Variants in MBNL3 observed in about 807,000 individuals in gnomAD.
The protein encoded by MBNL3 is muscleblind like splicing regulator 3.
A neutral mutation model predicts 24.5 loss-of-function variants in MBNL3; 6 were observed. The ratio of observed to expected loss-of-function variants is 0.25; its 90% confidence interval spans 0.13 to 0.48. The LOEUF is 0.48. Ranked by LOEUF, MBNL3 falls within the 20% of genes least tolerant of loss-of-function variation. The pLI, the probability that MBNL3 is intolerant of heterozygous loss-of-function variation, is 0.99. For synonymous variants in MBNL3, 100 were observed against 101.7 expected, an observed-to-expected ratio of 0.98 and a Z score of 0.10; for missense variants, 230 against 293.5, an observed-to-expected ratio of 0.78 and a Z score of 1.58.
At chrX:132,451,538 C>T (rs1035459652) in intron 1 of MBNL3, among the ~76,000 whole-genome samples, 12 of 111,764 alleles carry the variant, frequency 1.1e-4, no homozygotes, top group African/African-American at 3.9e-4. Context: ...TGGAGCATCC[C>T]AGGTCGACTT....
upstream of MBNL3, chrX:132,489,900 C>G (rs1163121238): frequency 1.8e-5 from 2 of 112,293 alleles, no homozygotes; most frequent in East Asian, 2.8e-4. Flanking sequence ...CTCTGGCCTC[C>G]GCCTCTCTCT....
At chrX:132,392,104 A>G in intron 4 of MBNL3, 39 bp downstream of exon 4, 1 of 1,077,264 alleles carries the variant, frequency 9.3e-7, no homozygotes, top group East Asian at 3.1e-5. Flanking sequence ...TAAGGTTAAT[A>G]TCTATTCTAC....
At position 132,373,682 on chromosome X, in the gene MBNL3, C is replaced by T. The variant is rs1484428129; in HGVS notation, c.*5984G>A. On this transcript the variant is annotated 3_prime_UTR_variant, in exon 9 of 9. Coordinates refer to ENST00000370853, the MANE Select transcript of MBNL3 (RefSeq NM_001386889.1). The stretch of plus-strand genomic sequence containing the variant: ...AATGCTTAACCTTTCTAACCTTGAC[C>T]TCTTCTAGGCCTCATTGCCTGGGGG... 8.9e-6 allele frequency: 1 copy of T among 111,809 alleles called. No individual in the cohort carries two copies. The highest frequency in any genetic ancestry group is 1.9e-5 in the Non-Finnish European group (1 of 53,059). 9.2% of individuals were successfully genotyped at this position (111,809 alleles called of 1,213,427 possible).
intron 5 of MBNL3, among the ~76,000 whole-genome samples, chrX:132,390,065 C>T (rs1171372765): frequency 1.9e-5 from 2 of 107,742 alleles, no homozygotes; most frequent in African/African-American, 3.4e-5. Context: ...CAGTGGTGCA[C>T]GCCTCTAGTC....
intron 5 of MBNL3, among the ~76,000 whole-genome samples, chrX:132,390,267 A>T: frequency 1.4e-4 from 1 of 6,980 alleles, no homozygotes; most frequent in African/African-American, 7.9e-4. Flanking sequence ...AACAACAACA[A>T]AAAAAAAAAA....
chrX:132,371,947 G>C lies in MBNL3; in HGVS notation c.*7719C>G, dbSNP rs1175869112. On this transcript the variant is annotated 3_prime_UTR_variant, in exon 9 of 9. Coordinates refer to ENST00000370853, the MANE Select transcript of MBNL3 (RefSeq NM_001386889.1). ...GGATTAATATACTAGAGCATGAATA[G>C]CCTTCAAGTGAACTCCTAATGTGTG... The C allele has an allele frequency of 9.0e-6, 1 of 110,733 alleles. No individual in the cohort carries two copies. The highest frequency in any genetic ancestry group is 9.7e-5 in the Admixed American group (1 of 10,337). The allele number at this position is 110,733 out of a possible 1,213,427, so 9.1% of individuals were successfully genotyped here.
chrX:132,455,694 C>T (rs1213227671), intron 1 of MBNL3, among the ~76,000 whole-genome samples: 1 of 111,754 alleles, frequency 8.9e-6, no homozygotes, highest in Non-Finnish European at 1.9e-5. Flanking sequence ...CCCAATTGTC[C>T]CGGTTCATTT....
chrX:132,466,725 T>A (rs1946902406), intron 1 of MBNL3, among the ~76,000 whole-genome samples: 1 of 111,658 alleles, frequency 9.0e-6, no homozygotes, highest in African/African-American at 3.3e-5. Flanking sequence ...GTCTAGCTGA[T>A]GTTTAGGAAG....
Position 132,406,318 on chromosome X carries a change from C to T in MBNL3, c.252G>A (p.Gly84=). Residue 84 remains glycine (G), a synonymous_variant, in exon 3 of 9, where the codon GGG becomes GGA. Transcript: ENST00000370853. ...TCTTCTGTTGAATCAGATTGTTCCG[C>T]CCATTAATCTCCAGCTGCGTTTTTA... ...PHLKTQLEIN[G]RNNLIQQKTA... is the part of the protein sequence containing the mutation. 1 of 1,211,357 alleles carries T rather than the reference C, an allele frequency of 8.3e-7. No individual in the cohort carries two copies. The highest frequency in any genetic ancestry group is 1.1e-6 in the Non-Finnish European group (1 of 895,207).
rs973155827 is a variant in MBNL3 at position 132,451,465 on chromosome X, G to A, written c.-703-11151C>T. ...CGAACTTTGAGGTGGCTTTGTTTAC[G>A]CTGTGGGGAAAAACTGCCTACTCAA... On this transcript the variant is annotated intron_variant, in intron 1 of 8. Transcript: ENST00000370853. 1.1e-4 allele frequency among the ~76,000 whole-genome samples: 12 copies of A among 111,640 alleles called. 1 individual carries two copies. The highest frequency in any genetic ancestry group is 3.8e-4 in the South Asian group (1 of 2,652).
Position 132,396,523 on chromosome X carries a change from T to TTC in MBNL3, c.343-4190_343-4189insGA, listed in dbSNP as rs1277154742. Among the ~76,000 whole-genome samples the TTC allele has an allele frequency of 5.0e-3, 262 of 51,890 alleles. 24 individuals are homozygous for TTC. In the African/African-American group the frequency reaches 0.051, roughly 10 times the overall value. 45.1% of individuals were successfully genotyped at this position (51,890 alleles called of 115,157 possible). A position where few individuals can be genotyped will look rare whatever the true frequency, so the allele number is the denominator to read the frequency against. ...TCCTATATATATTCATATATATTCATATATATATTCATATATATATTCCTA... is the reference window on the plus strand; with the variant it reads ...TCCTATATATATTCATATATATTCATTCATATATATTCATATATATATTCCTA... On this transcript the variant is annotated intron_variant, in intron 3 of 8. Coordinates refer to ENST00000370853, the MANE Select transcript of MBNL3 (RefSeq NM_001386889.1).
rs1934454207 is a variant in MBNL3 at position 132,379,426 on chromosome X, T to G, written c.*240A>C. The G allele has an allele frequency of 8.9e-6, 3 of 338,884 alleles. No individual in the cohort carries two copies. The highest frequency in any genetic ancestry group is 1.0e-5 in the Non-Finnish European group (2 of 192,401). The allele number at this position is 338,884 out of a possible 1,213,427, so 27.9% of individuals were successfully genotyped here. On this transcript the variant is annotated 3_prime_UTR_variant, in exon 9 of 9. Coordinates refer to ENST00000370853, the MANE Select transcript of MBNL3 (RefSeq NM_001386889.1). ...AATTTTATGGTCATGTTCTGCTTGA[T>G]AATTCAAATAGGATGGATGGTAGTT...
At chrX:132,468,612 A>G (rs775401436) in intron 1 of MBNL3, among the ~76,000 whole-genome samples, 2 of 112,453 alleles carry the variant, frequency 1.8e-5, no homozygotes, top group Non-Finnish European at 3.8e-5. Flanking sequence ...ACTGCTCATA[A>G]CTACCCTGTA....
chrX:132,476,227 A>G (rs1947431941), intron 1 of MBNL3, among the ~76,000 whole-genome samples: 1 of 111,147 alleles, frequency 9.0e-6, no homozygotes, highest in Non-Finnish European at 1.9e-5. Context: ...CAACATGATT[A>G]TATTTATTTT....
intron 5 of MBNL3, among the ~76,000 whole-genome samples, chrX:132,387,753 A>G (rs1234922051): frequency 8.9e-6 from 1 of 112,316 alleles, no homozygotes; most frequent in Non-Finnish European, 1.9e-5. Flanking sequence ...TTAGCAAAAT[A>G]TATGCAGTTC....
At chrX:132,413,754 C>T (rs978507040) in intron 2 of MBNL3, 29 of 465,825 alleles carry the variant, frequency 6.2e-5, no homozygotes, top group Non-Finnish European at 6.5e-5. Flanking sequence ...TCTGCTGGAG[C>T]TCCCCCTTTA....
chrX:132,396,921 TATTCATATATAC>T (rs1418145609), intron 3 of MBNL3, among the ~76,000 whole-genome samples: 10 of 66,538 alleles, frequency 1.5e-4, no homozygotes, highest in Non-Finnish European at 2.6e-4. Context: ...TATACATATA[TATTCATATATAC>T]ATTCATATAT....
chrX:132,428,494 C>T (rs1324616579), intron 2 of MBNL3, among the ~76,000 whole-genome samples: 2 of 104,829 alleles, frequency 1.9e-5, no homozygotes, highest in Non-Finnish European at 1.9e-5. Context: ...GACTGCAAAT[C>T]TGGATTAGAC....
At position 132,379,604 on chromosome X, in the gene MBNL3, T is replaced by C. The variant is rs1934469983; in HGVS notation, c.*62A>G. The C allele has an allele frequency of 1.8e-6, 2 of 1,122,685 alleles. No homozygotes were observed. Among genetic ancestry groups the C allele is most frequent in the East Asian group, 3.1e-5 (1 of 32,733 alleles). The allele number at this position is 1,122,685 out of a possible 1,213,427, so 92.5% of individuals were successfully genotyped here. A position where few individuals can be genotyped will look rare whatever the true frequency, so the allele number is the denominator to read the frequency against. ...TGGTAGAATAAGACATACGAGAATA[T>C]ATATAGAAAGGCCATATGGAGGTTT... is the stretch of plus-strand genomic sequence containing the variant. On this transcript the variant is annotated 3_prime_UTR_variant, in exon 9 of 9. Coordinates refer to ENST00000370853, the MANE Select transcript of MBNL3 (RefSeq NM_001386889.1).
Sources: gnomAD v4.1 joint callset for allele counts (sites outside exome capture counted in the v4.1 genomes callset) on GRCh38, gnomAD v4.1.1 for gene constraint, MANE v1.5 for transcripts, NCBI Gene and HGNC (gene_info 2026-07-23, HGNC 2026-07-21) for gene names.